The following AUTS2 variants were observed in gnomAD, a reference collection of about 807,000 sequenced individuals.
The protein encoded by AUTS2 is activator of transcription and developmental regulator AUTS2.
Under a neutral mutation model 112.4 loss-of-function variants are expected in AUTS2, and 17 were observed. The observed-to-expected ratio is 0.15, with a 90% confidence interval of 0.10 to 0.23. AUTS2 has a LOEUF of 0.23. Among genes scored for constraint, AUTS2 ranks in the 10% least tolerant of loss-of-function variants. The probability of loss-of-function intolerance (pLI) is 1.00; values close to 1 mark genes in which losing one functional copy is unlikely to be tolerated. For missense variants in AUTS2, 1,510 were observed against 1,701.6 expected (o/e 0.89, Z 1.98); for synonymous variants, 751 against 702.7 (o/e 1.07, Z -1.09).
chr7:70,780,237 A>C (rs995565366), intron 14 of AUTS2, among the ~76,000 whole-genome samples: 2 of 152,176 alleles, frequency 1.3e-5, no homozygotes, highest in Non-Finnish European at 2.9e-5. Context: ...GGCAGCTTTG[A>C]AACCATGCTG....
chr7:70,747,988 A>ATTTTTTT (rs770222247), intron 6 of AUTS2, among the ~76,000 whole-genome samples: 1 of 108,508 alleles, frequency 9.2e-6, no homozygotes, highest in Admixed American at 1.0e-4. Flanking sequence ...CGCCCAGCCA[A>ATTTTTTT]TTTTTTTTTT....
chr7:70,792,475 A>T lies in AUTS2; in HGVS notation c.*1479A>T, dbSNP rs1792030245. 2 of 143,252 alleles carry T rather than the reference A, an allele frequency of 1.4e-5. No homozygotes were observed. The highest frequency in any genetic ancestry group is 7.4e-5 in the Admixed American group (1 of 13,600). 8.9% of individuals were successfully genotyped at this position (143,252 alleles called of 1,614,324 possible). A position where few individuals can be genotyped will look rare whatever the true frequency, so the allele number is the denominator to read the frequency against. On this transcript the variant is annotated 3_prime_UTR_variant, in exon 19 of 19. Coordinates refer to ENST00000342771, the MANE Select transcript of AUTS2 (RefSeq NM_015570.4). ...TATTAAAGTGCTATCTGACGTTGTT[A>T]TCCTGTTTTTGCAAAAAAAAAAAAA...
At chr7:70,773,296 C>T (rs1027440138) in intron 11 of AUTS2, among the ~76,000 whole-genome samples, 5 of 152,220 alleles carry the variant, frequency 3.3e-5, no homozygotes, top group Middle Eastern at 3.4e-3. Context: ...TAGCTGGTGT[C>T]GTGTCCTGAA....
At chr7:69,704,422 C>T (rs976854540) in intron 1 of AUTS2, among the ~76,000 whole-genome samples, 13 of 151,932 alleles carry the variant, frequency 8.6e-5, no homozygotes, top group African/African-American at 2.9e-4. Context: ...GGATTACAGG[C>T]GCCTGCCACC....
intron 1 of AUTS2, among the ~76,000 whole-genome samples, chr7:69,626,098 G>C (rs1012443355): frequency 1.3e-5 from 2 of 152,124 alleles, no homozygotes; most frequent in African/African-American, 4.8e-5. Context: ...CTGAGTAGTT[G>C]TGACATTAAA....
chr7:70,554,612 T>C (rs1801170122), intron 5 of AUTS2, among the ~76,000 whole-genome samples: 1 of 152,146 alleles, frequency 6.6e-6, no homozygotes, highest in Non-Finnish European at 1.5e-5. Context: ...CAGGATAGTC[T>C]GGCCTCTCGG....
At chr7:70,387,312 T>C (rs1793657240) in intron 4 of AUTS2, among the ~76,000 whole-genome samples, 1 of 152,152 alleles carries the variant, frequency 6.6e-6, no homozygotes, top group Admixed American at 6.5e-5. Context: ...CCTGACCCCA[T>C]TCCCTGAGAC....
At position 70,712,050 on chromosome 7, in the gene AUTS2, G is replaced by A. The variant is rs540720388; in HGVS notation, c.742+13430G>A. On this transcript the variant is annotated intron_variant, in intron 6 of 18. Coordinates refer to ENST00000342771, the MANE Select transcript of AUTS2 (RefSeq NM_015570.4). ...TTCTTTCCTTTTTTTTTTGAGACAG[G>A]GTCTCACTCTGTCGCCCAGGCTGGA... Among the ~76,000 whole-genome samples the A allele has an allele frequency of 2.0e-5, 3 of 151,524 alleles. No individual in the cohort carries two copies. In the East Asian group the frequency reaches 5.8e-4, roughly 29 times the overall value.
In AUTS2 at chr7:69,642,523, G is replaced by A. The variant is rs918925893; in HGVS notation, c.309+42561G>A. 2.6e-5 allele frequency among the ~76,000 whole-genome samples: 4 copies of A among 152,278 alleles called. No homozygotes were observed. The East Asian group carries it at 5.8e-4, about 22-fold the overall frequency. Reference sequence around the variant, plus strand: ...AAAATTGATATAAGCAGTTGTCTTGGTTGGCAAGGACTTGTGTATAGGAAC... The same window carrying A: ...AAAATTGATATAAGCAGTTGTCTTGATTGGCAAGGACTTGTGTATAGGAAC... On this transcript the variant is annotated intron_variant, in intron 1 of 18. Transcript: ENST00000342771.
intron 1 of AUTS2, among the ~76,000 whole-genome samples, chr7:69,895,501 GCCA>G (rs1472966234): frequency 6.6e-6 from 1 of 150,856 alleles, no homozygotes; most frequent in Non-Finnish European, 1.5e-5. Context: ...TACCTCTTAA[GCCA>G]CCACCTCTAG....
At chr7:70,756,529 A>G (rs939615274) in intron 6 of AUTS2, among the ~76,000 whole-genome samples, 1 of 152,268 alleles carries the variant, frequency 6.6e-6, no homozygotes, top group African/African-American at 2.4e-5. Flanking sequence ...TTAAAAGTAT[A>G]TATAAAGCCC....
chr7:70,697,568 C>CCCG (rs1554464436), intron 5 of AUTS2, among the ~76,000 whole-genome samples: 2 of 142,682 alleles, frequency 1.4e-5, no homozygotes, highest in Admixed American at 1.4e-4. Flanking sequence ...ATTCCCCCCC[C>CCCG]CCATTTCCTA....
chr7:70,366,587 C>A (rs773846481), intron 4 of AUTS2, among the ~76,000 whole-genome samples: 7 of 152,102 alleles, frequency 4.6e-5, no homozygotes, highest in Non-Finnish European at 7.4e-5. Context: ...GACTAAAAAT[C>A]AGATTTGGAT....
intron 2 of AUTS2, among the ~76,000 whole-genome samples, chr7:69,924,548 C>CTTTTTTTTTTTT (rs571921874): frequency 7.0e-6 from 1 of 142,618 alleles, no homozygotes. Flanking sequence ...TCTTTCTTTT[C>CTTTTTTTTTTTT]TTTTTTTTTT....
At chr7:70,576,260 C>T (rs1236835731) in intron 5 of AUTS2, among the ~76,000 whole-genome samples, 1 of 152,068 alleles carries the variant, frequency 6.6e-6, no homozygotes, top group Admixed American at 6.5e-5. Flanking sequence ...TCTGAGTGGC[C>T]CACCCTCCTC....
At chr7:69,761,281 TG>T (rs1417016320) in intron 1 of AUTS2, among the ~76,000 whole-genome samples, 2 of 152,230 alleles carry the variant, frequency 1.3e-5, no homozygotes, top group Non-Finnish European at 2.9e-5. Flanking sequence ...TGCCATCACC[TG>T]TTAGTGTGTT....
At chr7:69,997,353 G>A (rs1798993351) in intron 2 of AUTS2, among the ~76,000 whole-genome samples, 1 of 152,154 alleles carries the variant, frequency 6.6e-6, no homozygotes, top group Non-Finnish European at 1.5e-5. Flanking sequence ...CACAATCTAT[G>A]TATTACACAT....
chr7:70,310,365 CT>C (rs1789685471), intron 4 of AUTS2, among the ~76,000 whole-genome samples: 2 of 152,096 alleles, frequency 1.3e-5, no homozygotes, highest in South Asian at 4.1e-4. Flanking sequence ...AATCCCAGCA[CT>C]TTGGGAGGCC....
chr7:70,640,690 G>A (rs1326882423), intron 5 of AUTS2, among the ~76,000 whole-genome samples: 1 of 152,112 alleles, frequency 6.6e-6, no homozygotes, highest in Non-Finnish European at 1.5e-5. Flanking sequence ...CCCTTGGCTA[G>A]GAGTGTGGGC....
Sources: allele counts gnomAD v4.1 joint callset (sites outside exome capture counted in the v4.1 genomes callset), GRCh38; gene constraint gnomAD v4.1.1; transcripts MANE v1.5; gene names NCBI Gene and HGNC (gene_info 2026-07-23, HGNC 2026-07-21).